RAPGEF2: variants seen among roughly 807,000 people sequenced by gnomAD.
The protein encoded by RAPGEF2 is Rap guanine nucleotide exchange factor 2.
RAPGEF2 carries 54 observed loss-of-function variants against 186.7 expected under a neutral mutation model. The ratio of observed to expected loss-of-function variants is 0.29; its 90% CI spans 0.23 to 0.36. RAPGEF2 has a LOEUF of 0.36. Ranked by LOEUF, RAPGEF2 falls within the 10% of genes least tolerant of loss-of-function variation. The pLI is 1.00. For synonymous variants in RAPGEF2, 712 were observed against 705.9 expected (o/e 1.01, Z -0.14); for missense variants, 1,532 against 2,045.0 (o/e 0.75, Z 4.84).
rs1330757139 is a variant in RAPGEF2 at position 159,346,919 on chromosome 4, C to G, written c.3633C>G (p.Ile1211Met). 15 of 1,614,102 alleles carry G rather than the reference C, an allele frequency of 9.3e-6. No individual in the cohort carries two copies. The highest frequency in any genetic ancestry group is 1.3e-5 in the Non-Finnish European group (15 of 1,180,046). Residue 1211 changes from isoleucine to methionine, a missense_variant, in exon 25 of 30, where the codon ATC (isoleucine) becomes ATG (methionine). By Grantham distance (10) the Ile-to-Met change is conservative. Coordinates refer to ENST00000691494, the MANE Select transcript of RAPGEF2 (RefSeq NM_001394067.2). ...AGCAGCCACCACCAGCACATAAAAT[C>G]AACCAGGGACTACAGGTTCCCGCCG... The part of the protein sequence containing the change: ...PQQQPPPAHK[I>M]NQGLQVPAVS...
At chr4:159,130,755 G>C (rs1740955945) in intron 1 of RAPGEF2, among the ~76,000 whole-genome samples, 1 of 151,942 alleles carries the variant, frequency 6.6e-6, no homozygotes, top group Non-Finnish European at 1.5e-5. Flanking sequence ...CTGTTGCCTA[G>C]GCTGGAGTGC....
chr4:159,352,630 C>G (rs1460690214), intron 26 of RAPGEF2, 55 bp from the exon 27 acceptor site: 4 of 1,416,528 alleles, frequency 2.8e-6, no homozygotes. Context: ...GTAGACTTCC[C>G]TTTGATGTTA....
chr4:159,347,186 A>G (rs1365612519), intron 25 of RAPGEF2, among the ~76,000 whole-genome samples, 188 bp downstream of exon 25: 1 of 152,228 alleles, frequency 6.6e-6, no homozygotes, highest in Non-Finnish European at 1.5e-5. Context: ...GGTTGTTTTT[A>G]TAAGTAATAT....
intron 4 of RAPGEF2, among the ~76,000 whole-genome samples, chr4:159,237,198 T>G (rs187744488): frequency 6.6e-6 from 1 of 152,164 alleles, no homozygotes; most frequent in East Asian, 1.9e-4. Flanking sequence ...TTTTTGTATT[T>G]TTAGTAGAGA....
intron 17 of RAPGEF2, among the ~76,000 whole-genome samples, chr4:159,335,691 C>T (rs1767309086): frequency 6.6e-6 from 1 of 151,984 alleles, no homozygotes; most frequent in African/African-American, 2.4e-5. Context: ...AAACATTAGC[C>T]GGGCATGGTG....
chr4:159,318,129 A>T (rs1349790042), intron 9 of RAPGEF2, among the ~76,000 whole-genome samples: 2 of 152,202 alleles, frequency 1.3e-5, no homozygotes, highest in African/African-American at 4.8e-5. Context: ...GTTTACTTGC[A>T]AGCAATGACA....
At chr4:159,224,804 G>T (rs1173125511) in intron 4 of RAPGEF2, among the ~76,000 whole-genome samples, 1 of 152,180 alleles carries the variant, frequency 6.6e-6, no homozygotes, top group Admixed American at 6.5e-5. Flanking sequence ...GTGTGCCAAA[G>T]CTAAGGGCCT....
intron 7 of RAPGEF2, among the ~76,000 whole-genome samples, chr4:159,302,201 C>A (rs1189588340): frequency 6.6e-6 from 1 of 152,166 alleles, no homozygotes; most frequent in African/African-American, 2.4e-5. Context: ...GGAGCTCTTA[C>A]AACTCCTAGT....
intron 1 of RAPGEF2, among the ~76,000 whole-genome samples, chr4:159,124,258 G>A (rs1468814284): frequency 1.3e-5 from 2 of 151,958 alleles, no homozygotes; most frequent in East Asian, 1.9e-4. Flanking sequence ...CTAGTAAGTC[G>A]GCCAGGTGTG....
intron 1 of RAPGEF2, among the ~76,000 whole-genome samples, chr4:159,122,158 C>T (rs1345169520): frequency 1.4e-5 from 2 of 147,178 alleles, no homozygotes; most frequent in African/African-American, 5.1e-5. Flanking sequence ...TTATATATGA[C>T]AATAAGATGT....
chr4:159,328,385 ATATAAT>A (rs997016580), intron 11 of RAPGEF2: 6 of 152,278 alleles, frequency 3.9e-5, no homozygotes, highest in Admixed American at 2.0e-4. Context: ...GGTATTTTTA[ATATAAT>A]TAAAGTATGC....
At chr4:159,268,584 C>T (rs1015924132) in intron 7 of RAPGEF2, among the ~76,000 whole-genome samples, 10 of 152,044 alleles carry the variant, frequency 6.6e-5, no homozygotes, top group African/African-American at 1.4e-4. Context: ...TTATTGAGAA[C>T]GGGAATCTAT....
At chr4:159,137,794 T>C (rs940022486) in intron 1 of RAPGEF2, among the ~76,000 whole-genome samples, 4 of 151,914 alleles carry the variant, frequency 2.6e-5, no homozygotes, top group African/African-American at 9.7e-5. Flanking sequence ...GTAGAGTGTT[T>C]TAAAAATTAA....
chr4:159,209,304 C>G (rs997520792), intron 3 of RAPGEF2, among the ~76,000 whole-genome samples: 2 of 150,916 alleles, frequency 1.3e-5, no homozygotes, highest in Non-Finnish European at 1.5e-5. Context: ...GACTCATGAA[C>G]TTAAAAAAGA....
intron 1 of RAPGEF2, among the ~76,000 whole-genome samples, chr4:159,184,874 A>C (rs1207528299): frequency 1.3e-5 from 2 of 152,114 alleles, no homozygotes; most frequent in Non-Finnish European, 2.9e-5. Context: ...TTATGGTTTT[A>C]GGTCTAACAT....
intron 10 of RAPGEF2, 78 bp downstream of exon 10, chr4:159,322,561 C>T (rs141032989): frequency 7.8e-7 from 1 of 1,284,064 alleles, no homozygotes; most frequent in East Asian, 2.4e-5. Flanking sequence ...AACCCCAATT[C>T]TTACTTTTTC....
chr4:159,142,111 T>C (rs1235975069), intron 1 of RAPGEF2, among the ~76,000 whole-genome samples: 8 of 152,214 alleles, frequency 5.3e-5, no homozygotes, highest in Non-Finnish European at 8.8e-5. Flanking sequence ...AATAATGTTA[T>C]CTAGAACAAT....
intron 1 of RAPGEF2, among the ~76,000 whole-genome samples, chr4:159,170,504 G>C (rs565221693): frequency 3.3e-4 from 50 of 152,264 alleles, no homozygotes; most frequent in Non-Finnish European, 6.8e-4. Flanking sequence ...CATTAGATAC[G>C]ATAAGTAATC....
chr4:159,156,826 TAAG>T (rs1320258039), intron 1 of RAPGEF2, among the ~76,000 whole-genome samples: 1 of 152,102 alleles, frequency 6.6e-6, no homozygotes, highest in Non-Finnish European at 1.5e-5. Flanking sequence ...TGGGAAATAT[TAAG>T]AAAAACCCCC....
Sources: allele counts gnomAD v4.1 joint callset (sites outside exome capture counted in the v4.1 genomes callset), GRCh38; gene constraint gnomAD v4.1.1; transcripts MANE v1.5; gene names NCBI Gene and HGNC (gene_info 2026-07-23, HGNC 2026-07-21).